The following SLC6A5 variants were observed in gnomAD, a reference collection of about 807,000 sequenced individuals.
SLC6A5 encodes sodium- and chloride-dependent glycine transporter 2.
SLC6A5 carries 58 observed loss-of-function variants against 90.5 expected under a neutral mutation model. The ratio of observed to expected loss-of-function variants is 0.64; its 90% CI spans 0.52 to 0.80. SLC6A5 has a LOEUF of 0.80. Ranked by LOEUF, SLC6A5 falls within the 30% of genes least tolerant of loss-of-function variation. The pLI, the probability that SLC6A5 is intolerant of heterozygous loss-of-function variation, is 0.00. For synonymous variants in SLC6A5, 427 were observed against 401.4 expected (o/e 1.06, Z -0.76); for missense variants, 1,015 against 1,017.6 (o/e 1.00, Z 0.03).
intron 9 of SLC6A5, among the ~76,000 whole-genome samples, chr11:20,630,029 G>A (rs949309480): frequency 1.3e-5 from 2 of 152,130 alleles, no homozygotes; most frequent in African/African-American, 4.8e-5. Context: ...GGCTGGGATG[G>A]TTGTTAATAT....
intron 1 of SLC6A5, among the ~76,000 whole-genome samples, chr11:20,600,874 C>A (rs1316825986): frequency 6.6e-6 from 1 of 152,166 alleles, no homozygotes; most frequent in African/African-American, 2.4e-5. Context: ...TACAAAATTA[C>A]ATTTCTACCT....
rs999275849 is a variant in SLC6A5 at position 20,604,580 on chromosome 11, C to T, written c.679+156C>T. Among the ~76,000 whole-genome samples, 4 of 152,134 alleles carry T rather than the reference C, an allele frequency of 2.6e-5. No homozygotes were observed. In the East Asian group the frequency reaches 7.7e-4, roughly 29 times the overall value. On this transcript the variant is annotated intron_variant, in intron 3 of 15. Coordinates refer to ENST00000525748, the MANE Select transcript of SLC6A5 (RefSeq NM_004211.5). ...CACCTCGTAGGCTTGAGTGCATAAC[C>T]AGAGGGCGGGGGCGACCATAATCGA... is the stretch of plus-strand genomic sequence containing the variant.
chr11:20,620,776 A>C (rs550775727), intron 7 of SLC6A5, among the ~76,000 whole-genome samples: 1 of 152,090 alleles, frequency 6.6e-6, no homozygotes, highest in East Asian at 1.9e-4. Context: ...TGAAGCCTAG[A>C]CTTTTTTATT....
chr11:20,639,354 C>G (rs183821289), intron 13 of SLC6A5, among the ~76,000 whole-genome samples: 1 of 152,046 alleles, frequency 6.6e-6, no homozygotes, highest in East Asian at 1.9e-4. Flanking sequence ...TATAAGGCCA[C>G]CATAGCAAAT....
At chr11:20,621,382 G>A (rs976470490) in intron 7 of SLC6A5, among the ~76,000 whole-genome samples, 2 of 152,094 alleles carry the variant, frequency 1.3e-5, no homozygotes, top group Non-Finnish European at 2.9e-5. Context: ...TGCTCTTTTG[G>A]AATGGCATTG....
intron 7 of SLC6A5, 66 bp downstream of exon 7, chr11:20,617,950 G>A: frequency 6.6e-7 from 1 of 1,504,218 alleles, no homozygotes; most frequent in African/African-American, 1.4e-5. Flanking sequence ...TTGGGGAGCA[G>A]GCAGAGCACT....
chr11:20,606,964 G>A, intron 3 of SLC6A5, 43 bp from the exon 4 acceptor site: 2 of 1,613,658 alleles, frequency 1.2e-6, no homozygotes, highest in South Asian at 2.2e-5. Context: ...GCAGCAGCCT[G>A]CTTTTGCCTC....
At chr11:20,627,787 A>G (rs908062401) in intron 8 of SLC6A5, among the ~76,000 whole-genome samples, 193 bp from the exon 9 acceptor site, 1 of 152,176 alleles carries the variant, frequency 6.6e-6, no homozygotes, top group Non-Finnish European at 1.5e-5. Context: ...GGAAGTTAAA[A>G]TCTCCCAGGT....
Position 20,601,260 on chromosome 11 carries a change from C to T in SLC6A5, c.135C>T (p.Ala45=), listed in dbSNP as rs1453693021. The change falls in exon 2 of 16, where the codon GCC becomes GCT. Residue 45 remains alanine (A), a synonymous_variant. Coordinates refer to ENST00000525748, the MANE Select transcript of SLC6A5 (RefSeq NM_004211.5). ...AGCAGGAGCTTCCCGCGGCTGCCGC[C>T]CCGCCGCCGCCACGTGTGCCCAGGT... ...SPEQELPAAA[A]PPPPRVPRSA... 6.3e-7 allele frequency: 1 copy of T among 1,583,986 alleles called. No homozygotes were observed. Among genetic ancestry groups the T allele is most frequent in the African/African-American group, 1.3e-5 (1 of 74,770 alleles).
chr11:20,643,625 G>A (rs986178931), intron 13 of SLC6A5, among the ~76,000 whole-genome samples: 2 of 152,180 alleles, frequency 1.3e-5, no homozygotes, highest in Non-Finnish European at 2.9e-5. Flanking sequence ...TCAACTCTTG[G>A]ACCTTAACTC....
At chr11:20,651,396 C>T (rs1330728064) in intron 14 of SLC6A5, among the ~76,000 whole-genome samples, 2 of 151,132 alleles carry the variant, frequency 1.3e-5, no homozygotes, top group African/African-American at 2.4e-5. Context: ...GCCTCAGCCT[C>T]CCAAGTAGCT....
intron 13 of SLC6A5, among the ~76,000 whole-genome samples, chr11:20,646,080 A>C (rs1853409856): frequency 6.6e-6 from 1 of 152,208 alleles, no homozygotes; most frequent in Non-Finnish European, 1.5e-5. Flanking sequence ...GTGGGGAAAG[A>C]ATGCAAGAAA....
chr11:20,629,574 A>G (rs1176976912), intron 9 of SLC6A5, among the ~76,000 whole-genome samples: 1 of 152,148 alleles, frequency 6.6e-6, no homozygotes, highest in African/African-American at 2.4e-5. Flanking sequence ...ACATGTATAC[A>G]ATGTGTAATG....
At chr11:20,638,161 A>G (rs1424387792) in intron 12 of SLC6A5, among the ~76,000 whole-genome samples, 1 of 152,246 alleles carries the variant, frequency 6.6e-6, no homozygotes, top group Non-Finnish European at 1.5e-5. Context: ...GCTTTCACAT[A>G]TACTTCTTCA....
At chr11:20,640,820 A>G (rs1853298747) in intron 13 of SLC6A5, among the ~76,000 whole-genome samples, 1 of 152,154 alleles carries the variant, frequency 6.6e-6, no homozygotes, top group Non-Finnish European at 1.5e-5. Context: ...AAATAGTGGA[A>G]CATAAACCTG....
chr11:20,607,907 A>G (rs1023980173), intron 5 of SLC6A5, among the ~76,000 whole-genome samples: 1 of 152,230 alleles, frequency 6.6e-6, no homozygotes, highest in African/African-American at 2.4e-5. Context: ...TCACAGGCCC[A>G]CAAGATAGTC....
intron 7 of SLC6A5, among the ~76,000 whole-genome samples, chr11:20,624,514 T>C (rs1852953842): frequency 6.6e-6 from 1 of 152,160 alleles, no homozygotes; most frequent in African/African-American, 2.4e-5. Flanking sequence ...CTGTGAGTCC[T>C]TGAATCCGTC....
intron 13 of SLC6A5, among the ~76,000 whole-genome samples, chr11:20,640,866 C>A (rs1853299538): frequency 6.6e-6 from 1 of 152,112 alleles, no homozygotes; most frequent in Non-Finnish European, 1.5e-5. Context: ...ACTTGATGTG[C>A]TACCTTCCTA....
At position 20,659,262 on chromosome 11, in the gene SLC6A5, T is replaced by C. The variant is rs1201179515; in HGVS notation, c.*4394T>C. 1 of 152,080 alleles carries C rather than the reference T, an allele frequency of 6.6e-6. No homozygotes were observed. The highest frequency in any genetic ancestry group is 2.4e-5 in the African/African-American group (1 of 41,430). The allele number at this position is 152,080 out of a possible 1,614,324, so 9.4% of individuals were successfully genotyped here. On this transcript the variant is annotated 3_prime_UTR_variant, in exon 16 of 16. Coordinates refer to ENST00000525748, the MANE Select transcript of SLC6A5 (RefSeq NM_004211.5). ...ATGTATGAGTTCACAAAACCCTAAA[T>C]AAATGTCAGTGTTTAAAACATGATT...
Sources: allele counts gnomAD v4.1 joint callset (sites outside exome capture counted in the v4.1 genomes callset), GRCh38; gene constraint gnomAD v4.1.1; transcripts MANE v1.5; gene names NCBI Gene and HGNC (gene_info 2026-07-23, HGNC 2026-07-21).